Variants in CXADR observed in about 807,000 individuals in gnomAD.
CXADR encodes the protein CXADR cell adhesion molecule.
Under a neutral mutation model 40.3 loss-of-function variants are expected in CXADR, and 20 were observed. That is an observed-to-expected ratio of 0.50 (90% CI 0.35 to 0.72). The LOEUF is 0.72. Ranked by LOEUF, CXADR falls within the 30% of genes least tolerant of loss-of-function variation. The probability of loss-of-function intolerance (pLI) is 0.01; values close to 1 mark genes in which losing one functional copy is unlikely to be tolerated. For synonymous variants in CXADR, 150 were observed against 161.3 expected (o/e 0.93, Z 0.53); for missense variants, 332 against 449.1 (o/e 0.74, Z 2.36).
intron 1 of CXADR, among the ~76,000 whole-genome samples, chr21:17,546,197 C>A (rs1247105992): frequency 1.3e-5 from 2 of 152,160 alleles, no homozygotes; most frequent in Non-Finnish European, 2.9e-5. Context: ...AGAATTAAAT[C>A]TAATAAAAAT....
intron 1 of CXADR, among the ~76,000 whole-genome samples, chr21:17,538,544 GCCTGTAATTC>G (rs1396272424): frequency 6.6e-6 from 1 of 152,156 alleles, no homozygotes; most frequent in Non-Finnish European, 1.5e-5. Flanking sequence ...AGTGACCCAT[GCCTGTAATTC>G]CAGCACTTTG....
rs1485302613 is a variant in CXADR, at chr21:17,566,555, T to C, written c.*863T>C. 36 of 984,364 alleles carry C rather than the reference T, an allele frequency of 3.7e-5. No homozygotes were observed. Among genetic ancestry groups the C allele is most frequent in the Non-Finnish European group, 4.3e-5 (36 of 828,974 alleles). The allele number at this position is 984,364 out of a possible 1,614,324, so 61.0% of individuals were successfully genotyped here. A position where few individuals can be genotyped will look rare whatever the true frequency, so the allele number is the denominator to read the frequency against. ...AGTATCTCATAGTTCCCAGGTGATA[T>C]TTTTCTTATTAGAAAAATATTATAA... On this transcript the variant is annotated 3_prime_UTR_variant, in exon 7 of 7. Transcript: ENST00000284878.
At chr21:17,557,475 C>T (rs1263086238) in intron 3 of CXADR, among the ~76,000 whole-genome samples, 5 of 152,168 alleles carry the variant, frequency 3.3e-5, no homozygotes, top group African/African-American at 9.7e-5. Flanking sequence ...AGTGGCATTC[C>T]GTGGTTCCTC....
chr21:17,546,903 C>A, intron 1 of CXADR, 124 bp from the exon 2 acceptor site: 2 of 1,145,300 alleles, frequency 1.7e-6, no homozygotes, highest in South Asian at 1.5e-5. Context: ...GACTCCATTC[C>A]TCGGGACCCA....
At chr21:17,564,696 T>G (rs1490285075) in intron 6 of CXADR, among the ~76,000 whole-genome samples, 2 of 152,034 alleles carry the variant, frequency 1.3e-5, no homozygotes, top group Non-Finnish European at 2.9e-5. Context: ...ATAAAAAGAA[T>G]TTTTTCTTTT....
At chr21:17,555,882 A>G (rs1216776914) in intron 3 of CXADR, among the ~76,000 whole-genome samples, 2 of 152,194 alleles carry the variant, frequency 1.3e-5, no homozygotes, top group Non-Finnish European at 2.9e-5. Context: ...AACCAATAAG[A>G]AATTATATTT....
intron 6 of CXADR, 85 bp from the exon 7 acceptor site, chr21:17,565,343 C>T (rs993431722): frequency 1.3e-5 from 18 of 1,421,554 alleles, no homozygotes; most frequent in Non-Finnish European, 1.7e-5. Context: ...TAAATACAGG[C>T]TCTTATCCAT....
the CXADR span, among the ~76,000 whole-genome samples, chr21:17,600,141 T>TA: frequency 2.1e-3 from 320 of 151,674 alleles, no homozygotes; most frequent in African/African-American, 7.1e-3. Flanking sequence ...GCTGGTTACT[T>TA]AAAAAAAAAT....
At chr21:17,599,482 T>TTC in the CXADR span, among the ~76,000 whole-genome samples, 8 of 148,394 alleles carry the variant, frequency 5.4e-5, no homozygotes, top group Non-Finnish European at 1.0e-4. Flanking sequence ...CTGATTTTTT[T>TTC]TTTTTTTTTT....
In CXADR at chr21:17,568,057, G is replaced by T; in HGVS notation, c.*2365G>T. 1.0e-6 allele frequency: 1 copy of T among 983,208 alleles called. No individual in the cohort carries two copies. The highest frequency in any genetic ancestry group is 1.2e-6 in the Non-Finnish European group (1 of 829,504). 60.9% of individuals were successfully genotyped at this position (983,208 alleles called of 1,614,324 possible). On this transcript the variant is annotated 3_prime_UTR_variant, in exon 7 of 7. Transcript: ENST00000284878. ...AATATTTGCTCCCGAATTACTACTG[G>T]TAATCAAGTAGTTGAACAAAAAATT...
chr21:17,612,490 AAGCCTCGCGGGCCGCCCTCGCGGCCCGC>A, the CXADR span: 4 of 152,166 alleles, frequency 2.6e-5, no homozygotes, highest in Middle Eastern at 3.4e-3. Context: ...GTCCCGCGGA[AAGCCTCGCGGGCCGCCCTCGCGGCCCGC>A]AGCCCCGCTC....
chr21:17,574,303 A>C (rs1204525386), downstream of CXADR, among the ~76,000 whole-genome samples: 1 of 152,200 alleles, frequency 6.6e-6, no homozygotes, highest in Admixed American at 6.5e-5. Context: ...AAATGTGATC[A>C]GTTTTTTATT....
chr21:17,598,902 C>A, the CXADR span: 1 of 1,102,426 alleles, frequency 9.1e-7, no homozygotes, highest in Non-Finnish European at 1.3e-6. Context: ...ACAAAGAGAT[C>A]TGGACATGCC....
intron 1 of CXADR, among the ~76,000 whole-genome samples, chr21:17,534,100 A>ATTTTTTTTT (rs1157117899): frequency 8.3e-5 from 5 of 60,070 alleles, no homozygotes; most frequent in African/African-American, 4.5e-4. Context: ...ATATATATAT[A>ATTTTTTTTT]TTTTTTTTTT....
chr21:17,554,833 CTCTG>C (rs1299867868), intron 3 of CXADR, among the ~76,000 whole-genome samples: 3 of 152,294 alleles, frequency 2.0e-5, no homozygotes, highest in Admixed American at 2.0e-4. Context: ...CTGATAGTGG[CTCTG>C]TCTAATGCTT....
the CXADR span, among the ~76,000 whole-genome samples, chr21:17,607,923 T>C: frequency 2.6e-5 from 4 of 152,230 alleles, no homozygotes; most frequent in Non-Finnish European, 5.9e-5. Context: ...TGCTCTTCTT[T>C]ACTTTAAGCT....
rs1222806376 is a variant in CXADR, at chr21:17,559,145, T to TA, written c.571+15dup. On this transcript the variant is annotated intron_variant, in intron 4 of 6. Transcript: ENST00000284878. The stretch of plus-strand genomic sequence containing the variant: ...CATGGTTAGCAGGTACTGCTGATAA[T>TA]AGTATTTGTACCACATGCCATTGAT... The TA allele has an allele frequency of 1.7e-5, 27 of 1,613,492 alleles. No homozygotes were observed. The highest frequency in any genetic ancestry group is 2.3e-5 in the Non-Finnish European group (27 of 1,179,680).
chr21:17,561,441 A>T lies in CXADR; in HGVS notation c.798A>T (p.Glu266Asp). 6.2e-7 allele frequency: 1 copy of T among 1,611,550 alleles called. No homozygotes were observed. The highest frequency in any genetic ancestry group is 8.5e-7 in the Non-Finnish European group (1 of 1,178,640). Residue 266 changes from glutamate (E) to aspartate (D), a missense_variant, in exon 6 of 7, where the codon GAA becomes GAT. Physicochemically the swap from Glu to Asp is conservative, Grantham distance 45. Around this residue, in one of 3 missense-constraint regions of CXADR, gnomAD observed 150 missense variants for 194.2 expected, o/e 0.77. Transcript: ENST00000284878. ...IIFCCRKKRR[E>D]EKYEKEVHHD... The stretch of plus-strand genomic sequence containing the variant: ...TTTGCTGTCGTAAAAAGCGCAGAGA[A>T]GAAAAATATGAAAAGGAAGTTCATC...
At chr21:17,624,769 C>T in the CXADR span, among the ~76,000 whole-genome samples, 1 of 152,140 alleles carries the variant, frequency 6.6e-6, no homozygotes, top group South Asian at 2.1e-4. Context: ...CATATGGTCT[C>T]TTAGCCACGC....
Sources: gnomAD v4.1 joint callset for allele counts (sites outside exome capture counted in the v4.1 genomes callset) on GRCh38, gnomAD v4.1.1 for gene constraint, gnomAD v4.1.1 regional missense constraint, MANE v1.5 for transcripts, NCBI Gene and HGNC (gene_info 2026-07-23, HGNC 2026-07-21) for gene names.